The following LURAP1L variants were observed in gnomAD, a reference collection of about 807,000 sequenced individuals.
LURAP1L encodes the protein leucine rich adaptor protein 1 like, also known as leucine rich adaptor protein 1-like.
LURAP1L carries 12 observed loss-of-function variants against 13.8 expected under a neutral mutation model. The ratio of observed to expected loss-of-function variants is 0.87; its 90% CI spans 0.56 to 1.41. The LOEUF (loss-of-function observed/expected upper bound fraction) is 1.41, where lower values mean the gene tolerates loss of function less well. Among genes scored for constraint, LURAP1L ranks in the 40% most tolerant of loss-of-function variants. LURAP1L has a pLI of 0.00. For synonymous variants in LURAP1L, 139 were observed against 119.2 expected (o/e 1.17, Z -1.08); for missense variants, 375 against 292.9 (o/e 1.28, Z -2.04).
At chr9:12,808,899 A>G (rs558183249) in intron 1 of LURAP1L, among the ~76,000 whole-genome samples, 115 of 152,210 alleles carry the variant, frequency 7.6e-4, no homozygotes, top group African/African-American at 2.7e-3. Flanking sequence ...AATACCTGAG[A>G]CTGGTTAATG....
rs112011828 is a variant in LURAP1L at position 12,778,976 on chromosome 9, G to A, written c.312+2949G>A. Among the ~76,000 whole-genome samples, 581 of 152,276 alleles carry A rather than the reference G, an allele frequency of 3.8e-3. 4 individuals carry two copies. The highest frequency in any genetic ancestry group is 0.013 in the African/African-American group (545 of 41,560). On this transcript the variant is annotated intron_variant, in intron 1 of 1. Coordinates refer to ENST00000319264, the MANE Select transcript of LURAP1L (RefSeq NM_203403.2). Reference sequence around the variant, plus strand: ...TTAGTCCTATGCGTACGTACCTATTGTAAAGTTTAATTTATAAATCAGTCA... The same window carrying A: ...TTAGTCCTATGCGTACGTACCTATTATAAAGTTTAATTTATAAATCAGTCA...
intron 1 of LURAP1L, among the ~76,000 whole-genome samples, chr9:12,787,339 T>C (rs916890797): frequency 2.0e-5 from 3 of 152,156 alleles, no homozygotes; most frequent in African/African-American, 7.2e-5. Flanking sequence ...GGTATATATA[T>C]ATGTATATGT....
intron 1 of LURAP1L, among the ~76,000 whole-genome samples, chr9:12,793,033 G>C (rs1010158168): frequency 1.4e-4 from 22 of 151,970 alleles, no homozygotes; most frequent in African/African-American, 5.3e-4. Flanking sequence ...AAACGAACTA[G>C]AACATAAGAA....
At chr9:12,820,735 A>G (rs1165249568) in intron 1 of LURAP1L, among the ~76,000 whole-genome samples, 1 of 152,192 alleles carries the variant, frequency 6.6e-6, no homozygotes, top group Non-Finnish European at 1.5e-5. Flanking sequence ...GGTTCTTAAA[A>G]GCAAAAGCAT....
At chr9:12,791,244 T>A (rs1819436745) in intron 1 of LURAP1L, among the ~76,000 whole-genome samples, 1 of 152,126 alleles carries the variant, frequency 6.6e-6, no homozygotes. Context: ...ATCGACCTGT[T>A]TTTCTCTTTG....
chr9:12,789,705 T>C (rs1819413141), intron 1 of LURAP1L, among the ~76,000 whole-genome samples: 1 of 152,204 alleles, frequency 6.6e-6, no homozygotes, highest in Non-Finnish European at 1.5e-5. Context: ...CAAACCATTC[T>C]ACAGTTTCTT....
chr9:12,780,045 T>G (rs2118458567), intron 1 of LURAP1L, among the ~76,000 whole-genome samples: 1 of 152,290 alleles, frequency 6.6e-6, no homozygotes, highest in East Asian at 1.9e-4. Context: ...AGTTCAAGTT[T>G]TAGAGCTCAA....
chr9:12,787,411 G>A (rs905503322), intron 1 of LURAP1L, among the ~76,000 whole-genome samples: 100 of 152,184 alleles, frequency 6.6e-4, no homozygotes, highest in African/African-American at 2.3e-3. Flanking sequence ...TAGATTGTTG[G>A]CAAAGGACAC....
chr9:12,789,594 A>T (rs542633749), intron 1 of LURAP1L, among the ~76,000 whole-genome samples: 1 of 152,292 alleles, frequency 6.6e-6, no homozygotes, highest in East Asian at 1.9e-4. Context: ...GTGAATTAAT[A>T]ACCAATTGAC....
intron 1 of LURAP1L, among the ~76,000 whole-genome samples, chr9:12,785,095 G>A (rs1017646668): frequency 4.0e-5 from 6 of 149,536 alleles, no homozygotes; most frequent in African/African-American, 1.2e-4. Context: ...GCCAGGCCTG[G>A]TTATCTCCCT....
intron 1 of LURAP1L, among the ~76,000 whole-genome samples, chr9:12,819,415 C>CA (rs1288487654): frequency 6.6e-6 from 1 of 152,212 alleles, no homozygotes; most frequent in Non-Finnish European, 1.5e-5. Flanking sequence ...CATGTTCCCT[C>CA]AATCCAAAGT....
intron 1 of LURAP1L, among the ~76,000 whole-genome samples, chr9:12,797,959 AT>A (rs1370067298): frequency 6.6e-6 from 1 of 152,180 alleles, no homozygotes; most frequent in African/African-American, 2.4e-5. Flanking sequence ...CAAATAGATA[AT>A]GAAATTTTCC....
chr9:12,820,521 A>G (rs1347027799), intron 1 of LURAP1L, among the ~76,000 whole-genome samples: 1 of 131,772 alleles, frequency 7.6e-6, no homozygotes, highest in African/African-American at 2.8e-5. Flanking sequence ...CCCCAAAAAA[A>G]AAAAAGGACC....
At position 12,813,220 on chromosome 9, in the gene LURAP1L, T is replaced by C. The variant is rs144339257; in HGVS notation, c.313-8166T>C. 2.5e-3 allele frequency among the ~76,000 whole-genome samples: 375 copies of C among 152,274 alleles called. 3 individuals are homozygous for C. The highest frequency in any genetic ancestry group is 8.7e-3 in the African/African-American group (361 of 41,568). ...AGGAGTTTTGTGAACTAGTTGCCAATCACAGACATTATTAAAATTTAAAGT... is the reference window on the plus strand; with the variant it reads ...AGGAGTTTTGTGAACTAGTTGCCAACCACAGACATTATTAAAATTTAAAGT... On this transcript the variant is annotated intron_variant, in intron 1 of 1. Coordinates refer to ENST00000319264, the MANE Select transcript of LURAP1L (RefSeq NM_203403.2).
At chr9:12,788,435 T>A (rs1007008771) in intron 1 of LURAP1L, among the ~76,000 whole-genome samples, 1 of 152,142 alleles carries the variant, frequency 6.6e-6, no homozygotes, top group Non-Finnish European at 1.5e-5. Flanking sequence ...TACTCCTTAA[T>A]TTGGCAATTC....
intron 1 of LURAP1L, among the ~76,000 whole-genome samples, chr9:12,791,199 T>C (rs760041062): frequency 6.6e-6 from 1 of 152,140 alleles, no homozygotes; most frequent in Non-Finnish European, 1.5e-5. Flanking sequence ...TGAGTGTTCA[T>C]TATAGGATTC....
chr9:12,787,839 G>A lies in LURAP1L; in HGVS notation c.312+11812G>A, dbSNP rs554078548. Among the ~76,000 whole-genome samples, 9 of 152,168 alleles carry A rather than the reference G, an allele frequency of 5.9e-5. No individual in the cohort carries two copies. The South Asian group carries it at 1.2e-3, about 21-fold the overall frequency. Reference sequence around the variant, plus strand: ...AAAAACATAGAAAGCTCAGCCAGACGCAGTGGTTCACGCCTGTAATCCCAG... The same window carrying A: ...AAAAACATAGAAAGCTCAGCCAGACACAGTGGTTCACGCCTGTAATCCCAG... On this transcript the variant is annotated intron_variant, in intron 1 of 1. Transcript: ENST00000319264.
chr9:12,817,967 C>T (rs1054849860), intron 1 of LURAP1L, among the ~76,000 whole-genome samples: 38 of 152,040 alleles, frequency 2.5e-4, no homozygotes, highest in African/African-American at 8.2e-4. Context: ...GTGCCCAGCG[C>T]TCCCACGGTG....
At chr9:12,786,547 C>CACAT (rs1819354134) in intron 1 of LURAP1L, among the ~76,000 whole-genome samples, 1 of 53,006 alleles carries the variant, frequency 1.9e-5, no homozygotes, top group African/African-American at 8.2e-5. Flanking sequence ...ATATATATGA[C>CACAT]ATATATATAT....
Sources: allele counts gnomAD v4.1 joint callset (sites outside exome capture counted in the v4.1 genomes callset), GRCh38; gene constraint gnomAD v4.1.1; transcripts MANE v1.5; gene names NCBI Gene and HGNC (gene_info 2026-07-23, HGNC 2026-07-21).